The following PLGRKT variants were observed in gnomAD, a reference collection of about 807,000 sequenced individuals.
The protein encoded by PLGRKT is plasminogen receptor with a C-terminal lysine.
PLGRKT carries 22 observed loss-of-function variants against 18.5 expected under a neutral mutation model. The ratio of observed to expected loss-of-function variants is 1.19; its 90% CI spans 0.85 to 1.70. The LOEUF is 1.70. Ranked by LOEUF, PLGRKT falls within the 40% of genes most tolerant of loss-of-function variation. The pLI, the probability that PLGRKT is intolerant of heterozygous loss-of-function variation, is 0.00. For missense variants in PLGRKT, 235 were observed against 174.4 expected (o/e 1.35, Z -1.96); for synonymous variants, 72 against 52.8 (o/e 1.36, Z -1.58).
intron 1 of PLGRKT, chr9:5,437,489 T>C (rs1331269752): frequency 6.6e-6 from 1 of 152,234 alleles, no homozygotes; most frequent in Non-Finnish European, 1.5e-5. Context: ...TTACTGTAAT[T>C]TAGGTATTCC....
At chr9:5,363,380 T>A (rs115303465) in intron 3 of PLGRKT, among the ~76,000 whole-genome samples, 2 of 151,824 alleles carry the variant, frequency 1.3e-5, no homozygotes, top group Non-Finnish European at 2.9e-5. Context: ...CACTGGCTTA[T>A]ATTCACTCCC....
At chr9:5,378,227 G>C (rs1208848384) in intron 3 of PLGRKT, among the ~76,000 whole-genome samples, 1 of 152,204 alleles carries the variant, frequency 6.6e-6, no homozygotes, top group East Asian at 1.9e-4. Flanking sequence ...AGAACATCTG[G>C]AACGGGAGAT....
intron 3 of PLGRKT, among the ~76,000 whole-genome samples, chr9:5,377,867 T>A (rs1817661072): frequency 6.6e-6 from 1 of 152,148 alleles, no homozygotes; most frequent in African/African-American, 2.4e-5. Context: ...GAAGAGCTGA[T>A]ATCGAGGCAA....
At chr9:5,409,514 G>C (rs1310054562) in intron 3 of PLGRKT, among the ~76,000 whole-genome samples, 1 of 152,146 alleles carries the variant, frequency 6.6e-6, no homozygotes, top group Non-Finnish European at 1.5e-5. Flanking sequence ...GATCGTGTGA[G>C]TTAATACTTA....
intron 3 of PLGRKT, among the ~76,000 whole-genome samples, chr9:5,387,013 C>T (rs540781525): frequency 3.3e-5 from 5 of 151,956 alleles, no homozygotes; most frequent in South Asian, 4.1e-4. Context: ...TGATGGCAAA[C>T]GGACAGACTG....
At chr9:5,408,861 C>T (rs1373204589) in intron 3 of PLGRKT, among the ~76,000 whole-genome samples, 1 of 152,258 alleles carries the variant, frequency 6.6e-6, no homozygotes, top group African/African-American at 2.4e-5. Flanking sequence ...GTCACTCCAG[C>T]TCCAGCTTCA....
chr9:5,403,690 C>T (rs1280637350), intron 3 of PLGRKT, among the ~76,000 whole-genome samples: 1 of 152,210 alleles, frequency 6.6e-6, no homozygotes, highest in Non-Finnish European at 1.5e-5. Flanking sequence ...GAGTAAACTT[C>T]TATCCTGGAA....
At chr9:5,396,356 G>C (rs1818048479) in intron 3 of PLGRKT, among the ~76,000 whole-genome samples, 2 of 151,520 alleles carry the variant, frequency 1.3e-5, no homozygotes, top group African/African-American at 4.9e-5. Flanking sequence ...TGTGATCTCG[G>C]CTCACTGCAA....
rs549581757 is a variant in PLGRKT, at chr9:5,398,343, G to C, written c.81+33554C>G. Reference sequence around the variant, plus strand: ...AAGCAATATGCTTTTAATCACAGATGAAAAGTACTTAATAGTTACTGAACT... The same window carrying C: ...AAGCAATATGCTTTTAATCACAGATCAAAAGTACTTAATAGTTACTGAACT... On this transcript the variant is annotated intron_variant, in intron 3 of 5. Transcript: ENST00000223864. Among the ~76,000 whole-genome samples the C allele has an allele frequency of 3.0e-4, 46 of 152,002 alleles. 1 individual carries two copies. The highest frequency in any genetic ancestry group is 8.0e-4 in the African/African-American group (33 of 41,282).
chr9:5,360,037 G>T (rs753258942), intron 5 of PLGRKT, among the ~76,000 whole-genome samples: 1 of 152,196 alleles, frequency 6.6e-6, no homozygotes, highest in Non-Finnish European at 1.5e-5. Context: ...GCTGATGAGA[G>T]AGTATAATGG....
chr9:5,415,696 G>A (rs1359475271), intron 3 of PLGRKT, among the ~76,000 whole-genome samples: 1 of 151,984 alleles, frequency 6.6e-6, no homozygotes, highest in African/African-American at 2.4e-5. Context: ...AGCATTTTGT[G>A]GTTTAAGAAA....
chr9:5,381,774 T>C, intron 3 of PLGRKT: 1 of 515,708 alleles, frequency 1.9e-6, no homozygotes, highest in Non-Finnish European at 2.5e-6. Context: ...GATTTTATTG[T>C]TTGGAAGTTG....
chr9:5,376,438 G>T (rs533772613), intron 3 of PLGRKT, among the ~76,000 whole-genome samples: 2 of 152,178 alleles, frequency 1.3e-5, no homozygotes, highest in African/African-American at 4.8e-5. Flanking sequence ...TAAAATATGG[G>T]TAATAATACT....
chr9:5,371,380 G>A (rs957127179), intron 3 of PLGRKT, among the ~76,000 whole-genome samples: 2 of 152,158 alleles, frequency 1.3e-5, no homozygotes, highest in Admixed American at 6.5e-5. Context: ...TGTTGTGGGA[G>A]GGAACCAGGT....
intron 3 of PLGRKT, among the ~76,000 whole-genome samples, chr9:5,416,510 G>C (rs1354828373): frequency 6.6e-6 from 1 of 152,064 alleles, no homozygotes; most frequent in African/African-American, 2.4e-5. Flanking sequence ...ACATATAGTA[G>C]GCATTCTGAA....
At chr9:5,432,543 C>T (rs1029080885) in intron 2 of PLGRKT, among the ~76,000 whole-genome samples, 2 of 150,840 alleles carry the variant, frequency 1.3e-5, no homozygotes, top group Non-Finnish European at 3.0e-5. Flanking sequence ...TCTTGCGGAG[C>T]CTGGACTGTA....
chr9:5,395,826 AT>A (rs1009847374), intron 3 of PLGRKT, among the ~76,000 whole-genome samples: 3 of 148,756 alleles, frequency 2.0e-5, no homozygotes, highest in South Asian at 2.1e-4. Context: ...AAAAAGGTGG[AT>A]TTTTTTTATT....
rs543029660 is a variant in PLGRKT, at chr9:5,408,602, G to T, written c.81+23295C>A. On this transcript the variant is annotated intron_variant, in intron 3 of 5. Transcript: ENST00000223864. ...TTTACAAAATTTGTAGCATAGCCAT[G>T]TGGTAGAAAAGAAAAGCCCATTTCT... 3.6e-3 allele frequency among the ~76,000 whole-genome samples: 543 copies of T among 152,356 alleles called. 2 individuals carry two copies. The highest frequency in any genetic ancestry group is 6.7e-3 in the Admixed American group (102 of 15,308).
At chr9:5,363,405 G>C (rs1817311854) in intron 3 of PLGRKT, among the ~76,000 whole-genome samples, 1 of 151,742 alleles carries the variant, frequency 6.6e-6, no homozygotes, top group Non-Finnish European at 1.5e-5. Context: ...GTGTGTTATG[G>C]GGTCCCCTGG....
Sources: allele counts gnomAD v4.1 joint callset (sites outside exome capture counted in the v4.1 genomes callset), GRCh38; gene constraint gnomAD v4.1.1; transcripts MANE v1.5; gene names NCBI Gene and HGNC (gene_info 2026-07-23, HGNC 2026-07-21).